The following PIBF1 variants were observed in gnomAD, a reference collection of about 807,000 sequenced individuals.
The protein encoded by PIBF1 is progesterone-induced-blocking factor 1.
In PIBF1, 90 loss-of-function variants were observed where a neutral mutation model predicts 112.5. The ratio of observed to expected loss-of-function variants is 0.80; its 90% CI spans 0.67 to 0.95. The LOEUF is 0.95. Among genes scored for constraint, PIBF1 ranks in the 40% least tolerant of loss-of-function variants. The pLI is 0.00. For missense variants in PIBF1, 915 were observed against 852.3 expected (o/e 1.07, Z -0.92); for synonymous variants, 301 against 288.6 (o/e 1.04, Z -0.44).
At chr13:72,825,364 A>C (rs2036756412) in intron 6 of PIBF1, among the ~76,000 whole-genome samples, 1 of 152,246 alleles carries the variant, frequency 6.6e-6, no homozygotes, top group African/African-American at 2.4e-5. Context: ...AAGGGACCTA[A>C]TGTCTCAGTT....
At chr13:72,880,498 A>AACTC (rs2039580267) in intron 10 of PIBF1, among the ~76,000 whole-genome samples, 1 of 152,194 alleles carries the variant, frequency 6.6e-6, no homozygotes, top group Non-Finnish European at 1.5e-5. Flanking sequence ...TACCAATATT[A>AACTC]ACTCATTTAA....
intron 11 of PIBF1, among the ~76,000 whole-genome samples, chr13:72,896,654 C>G (rs1231186679): frequency 2.0e-5 from 3 of 152,062 alleles, no homozygotes; most frequent in Admixed American, 6.6e-5. Flanking sequence ...GCGAAATGTT[C>G]TGGAAAGTCT....
chr13:73,013,709 G>A (rs1007732876), intron 17 of PIBF1, among the ~76,000 whole-genome samples: 2 of 140,230 alleles, frequency 1.4e-5, no homozygotes, highest in Admixed American at 1.6e-4. Context: ...TCCAGCCTGG[G>A]TAACAGAGCA....
At chr13:72,929,083 G>A (rs1317297495) in intron 13 of PIBF1, among the ~76,000 whole-genome samples, 3 of 152,084 alleles carry the variant, frequency 2.0e-5, no homozygotes, top group Non-Finnish European at 4.4e-5. Context: ...AAATTACCAT[G>A]TTTAAGTGAC....
intron 12 of PIBF1, among the ~76,000 whole-genome samples, chr13:72,915,975 T>C (rs191918331): frequency 2.6e-5 from 4 of 152,310 alleles, no homozygotes; most frequent in Admixed American, 2.6e-4. Flanking sequence ...AAATAATGGC[T>C]GGTGATAAAT....
intron 6 of PIBF1, among the ~76,000 whole-genome samples, chr13:72,822,828 T>A (rs548664983): frequency 1.3e-5 from 2 of 152,362 alleles, no homozygotes; most frequent in African/African-American, 4.8e-5. Context: ...ACATGGTATT[T>A]CTTATGTATA....
chr13:72,903,441 G>A (rs2138628580), intron 11 of PIBF1, among the ~76,000 whole-genome samples: 1 of 152,242 alleles, frequency 6.6e-6, no homozygotes, highest in Middle Eastern at 3.4e-3. Context: ...CTATCTTCAG[G>A]AAACTAAGAA....
rs999021332 is a variant in PIBF1, at chr13:72,786,929, A to G, written c.252+3208A>G. ...CCTCTGTTGTAAGATGCATCATTAC[A>G]TACATTGCTAAGGTTAAACACTTCC... On this transcript the variant is annotated intron_variant, in intron 2 of 17. Transcript: ENST00000326291. 3.9e-5 allele frequency among the ~76,000 whole-genome samples: 6 copies of G among 152,368 alleles called. No homozygotes were observed. In the South Asian group the frequency reaches 1.0e-3, roughly 26 times the overall value.
intron 14 of PIBF1, among the ~76,000 whole-genome samples, chr13:72,963,599 A>G (rs1379374799): frequency 6.6e-6 from 1 of 152,168 alleles, no homozygotes; most frequent in East Asian, 1.9e-4. Flanking sequence ...ATCTCAAAAT[A>G]AGTAAGTAAG....
chr13:72,955,009 T>C (rs1374983404), intron 14 of PIBF1, among the ~76,000 whole-genome samples: 1 of 152,054 alleles, frequency 6.6e-6, no homozygotes, highest in Non-Finnish European at 1.5e-5. Context: ...AACAGAGCAA[T>C]GGAGATAGGA....
chr13:73,010,079 G>C (rs183255362), intron 17 of PIBF1, among the ~76,000 whole-genome samples: 1 of 152,234 alleles, frequency 6.6e-6, no homozygotes, highest in East Asian at 1.9e-4. Context: ...CCGAGGATCT[G>C]TAGCTTAGTT....
intron 16 of PIBF1, among the ~76,000 whole-genome samples, chr13:72,984,300 T>C (rs1047055871): frequency 6.6e-6 from 1 of 152,140 alleles, no homozygotes; most frequent in Non-Finnish European, 1.5e-5. Context: ...ACTACCCTAC[T>C]TAGGAACCAG....
chr13:72,949,300 CTTTTTTTTTTTTTTT>C (rs71099771), intron 14 of PIBF1, among the ~76,000 whole-genome samples: 12 of 54,954 alleles, frequency 2.2e-4, no homozygotes, highest in African/African-American at 6.4e-4. Flanking sequence ...AAATAGCTGT[CTTTTTTTTTTTTTTT>C]TTTTTTTTTT....
intron 3 of PIBF1, among the ~76,000 whole-genome samples, chr13:72,794,780 C>T (rs1250712462): frequency 6.6e-6 from 1 of 152,140 alleles, no homozygotes; most frequent in Non-Finnish European, 1.5e-5. Flanking sequence ...TATAAATTAC[C>T]CAGTCTTGGG....
intron 10 of PIBF1, among the ~76,000 whole-genome samples, chr13:72,887,000 A>G (rs542202175): frequency 5.5e-4 from 82 of 150,450 alleles, no homozygotes; most frequent in African/African-American, 1.9e-3. Flanking sequence ...CACATTGAAA[A>G]CACCTGAGTT....
At chr13:72,797,232 T>A in intron 4 of PIBF1, among the ~76,000 whole-genome samples, 1 of 152,256 alleles carries the variant, frequency 6.6e-6, no homozygotes, top group South Asian at 2.1e-4. Context: ...AAATAAAGAA[T>A]ACACTTTACC....
intron 16 of PIBF1, among the ~76,000 whole-genome samples, chr13:72,996,732 A>T (rs2043685920): frequency 6.6e-6 from 1 of 151,916 alleles, no homozygotes; most frequent in African/African-American, 2.4e-5. Flanking sequence ...ACACCATAGC[A>T]CTCTAGCATG....
chr13:72,813,741 C>T (rs2036132535), intron 5 of PIBF1, among the ~76,000 whole-genome samples: 1 of 152,166 alleles, frequency 6.6e-6, no homozygotes. Flanking sequence ...AATTGCTTCT[C>T]CCACATGCTT....
At chr13:72,880,814 G>A (rs993248981) in intron 10 of PIBF1, among the ~76,000 whole-genome samples, 1 of 152,086 alleles carries the variant, frequency 6.6e-6, no homozygotes, top group African/African-American at 2.4e-5. Flanking sequence ...CAACTTTTAG[G>A]TTCAGGGGAT....
Sources: gnomAD v4.1 joint callset for allele counts (sites outside exome capture counted in the v4.1 genomes callset) on GRCh38, gnomAD v4.1.1 for gene constraint, MANE v1.5 for transcripts, NCBI Gene and HGNC (gene_info 2026-07-23, HGNC 2026-07-21) for gene names.